Variants in BANF2 observed in about 807,000 individuals in gnomAD.
BANF2 encodes barrier-to-autointegration factor-like protein.
Under a neutral mutation model 8.0 loss-of-function variants are expected in BANF2, and 4 were observed. The observed-to-expected ratio is 0.50, with a 90% CI of 0.25 to 1.14. The LOEUF (loss-of-function observed/expected upper bound fraction) is 1.14. Among genes scored for constraint, BANF2 ranks in the 50% most tolerant of loss-of-function variants. BANF2 has a pLI of 0.16. For synonymous variants in BANF2, 50 were observed against 40.6 expected, an observed-to-expected ratio of 1.23 and a Z score of -0.88; for missense variants, 96 against 107.5, an observed-to-expected ratio of 0.89 and a Z score of 0.47.
At chr20:17,734,814 C>A (rs1459027613) in intron 3 of BANF2, among the ~76,000 whole-genome samples, 1 of 152,196 alleles carries the variant, frequency 6.6e-6, no homozygotes, top group Non-Finnish European at 1.5e-5. Flanking sequence ...GCTATGGGCA[C>A]AGTGGCTTAC....
chr20:17,720,010 GT>G (rs1244408468), intron 1 of BANF2, among the ~76,000 whole-genome samples: 1 of 152,190 alleles, frequency 6.6e-6, no homozygotes, highest in East Asian at 1.9e-4. Flanking sequence ...CACTTGGGGA[GT>G]TTTTAAAACT....
chr20:17,703,109 G>C (rs1423374632), intron 1 of BANF2, among the ~76,000 whole-genome samples: 1 of 152,114 alleles, frequency 6.6e-6, no homozygotes, highest in Non-Finnish European at 1.5e-5. Flanking sequence ...CTCTCTGCCG[G>C]CATCACTTTT....
intron 1 of BANF2, among the ~76,000 whole-genome samples, chr20:17,714,791 A>G (rs1780906363): frequency 6.6e-6 from 1 of 152,146 alleles, no homozygotes; most frequent in African/African-American, 2.4e-5. Context: ...GGTGGAGTGT[A>G]TAAATATTCA....
intron 1 of BANF2, among the ~76,000 whole-genome samples, chr20:17,694,554 T>C (rs1327345336): frequency 6.6e-6 from 1 of 150,584 alleles, no homozygotes; most frequent in African/African-American, 2.4e-5. Context: ...CATCTAACAT[T>C]GTAGTGTTTT....
chr20:17,706,531 C>T (rs1196668163), intron 1 of BANF2, among the ~76,000 whole-genome samples: 1 of 152,160 alleles, frequency 6.6e-6, no homozygotes, highest in Admixed American at 6.5e-5. Flanking sequence ...GCAAATGGGG[C>T]TCAGATATGT....
chr20:17,709,871 C>T (rs2037544007), intron 1 of BANF2, among the ~76,000 whole-genome samples: 1 of 152,194 alleles, frequency 6.6e-6, no homozygotes, highest in Non-Finnish European at 1.5e-5. Context: ...CCTGGATAAG[C>T]ATGAGCCGCT....
intron 1 of BANF2, among the ~76,000 whole-genome samples, chr20:17,708,803 G>A (rs763954141): frequency 6.6e-6 from 1 of 152,178 alleles, no homozygotes; most frequent in Non-Finnish European, 1.5e-5. Flanking sequence ...ACAATCCAGT[G>A]TTGAAACTGA....
At chr20:17,734,066 C>A (rs2037940447) in intron 3 of BANF2, among the ~76,000 whole-genome samples, 1 of 152,224 alleles carries the variant, frequency 6.6e-6, no homozygotes, top group African/African-American at 2.4e-5. Flanking sequence ...CCTGAGCTCT[C>A]CAGCCTCCAC....
chr20:17,729,427 T>C (rs2037861742), intron 3 of BANF2, among the ~76,000 whole-genome samples: 1 of 152,216 alleles, frequency 6.6e-6, no homozygotes, highest in Non-Finnish European at 1.5e-5. Context: ...GTGCCCCATG[T>C]TGCGACATCT....
chr20:17,732,512 A>T (rs962045917), intron 3 of BANF2, among the ~76,000 whole-genome samples: 5 of 152,284 alleles, frequency 3.3e-5, no homozygotes, highest in Middle Eastern at 6.8e-3. Context: ...GGCTGCCACC[A>T]TACCAGGCTA....
upstream of BANF2, among the ~76,000 whole-genome samples, chr20:17,699,664 G>T (rs372300468): frequency 6.6e-6 from 1 of 152,192 alleles, no homozygotes; most frequent in Non-Finnish European, 1.5e-5. Context: ...CTGAATTGAC[G>T]CAGGCCAGGT....
chr20:17,734,791 T>C (rs2037952543), intron 3 of BANF2, among the ~76,000 whole-genome samples: 1 of 152,086 alleles, frequency 6.6e-6, no homozygotes, highest in Non-Finnish European at 1.5e-5. Context: ...GTGCCGAGGT[T>C]TAGAAACCCC....
chr20:17,721,541 A>G (rs6136173), intron 1 of BANF2, among the ~76,000 whole-genome samples: 147,438 of 152,002 alleles, frequency 0.97, 71,515 homozygotes, highest in East Asian at 1. Context: ...ACAGGTGCAC[A>G]CCACTACGCC....
chr20:17,725,445 C>T (rs1015096496), intron 3 of BANF2, among the ~76,000 whole-genome samples: 2 of 152,216 alleles, frequency 1.3e-5, no homozygotes, highest in African/African-American at 4.8e-5. Flanking sequence ...GGTCAGCCGC[C>T]GGGGTCTGAG....
At chr20:17,727,877 T>TA (rs970451471) in intron 3 of BANF2, among the ~76,000 whole-genome samples, 39 of 152,284 alleles carry the variant, frequency 2.6e-4, no homozygotes, top group Non-Finnish European at 4.3e-4. Context: ...TAGCTAAGAC[T>TA]AGAGGCACGC....
Position 17,725,132 on chromosome 20 carries a change from T to C in BANF2, c.107T>C (p.Val36Ala), listed in dbSNP as rs2037788068. Residue 36 changes from valine to alanine, a missense_variant, in exon 3 of 4, where the codon GTC becomes GCC. By Grantham distance (64) the Val-to-Ala change is moderately conservative (BLOSUM62 0). Transcript: ENST00000246090. ...AGCCATGAGCTCGCGATCAATTTGG[T>C]CACCAAAGGTATCAATAAGGTAATT... The part of the protein sequence containing the change: ...GISHELAINL[V>A]TKGINKAYIL... 1.9e-6 allele frequency: 3 copies of C among 1,612,864 alleles called. No individual in the cohort carries two copies. In the African/African-American group the frequency reaches 4.0e-5, roughly 22 times the overall value.
upstream of BANF2, among the ~76,000 whole-genome samples, chr20:17,698,164 C>T (rs1199059371): frequency 5.9e-5 from 9 of 151,878 alleles, no homozygotes; most frequent in Admixed American, 4.6e-4. Context: ...GCCGAGATCA[C>T]GCCATCGCAT....
chr20:17,730,723 A>G (rs900038221), intron 3 of BANF2, among the ~76,000 whole-genome samples: 2 of 152,132 alleles, frequency 1.3e-5, no homozygotes, highest in Non-Finnish European at 2.9e-5. Flanking sequence ...TCATGTCCCC[A>G]GGTGTCCACA....
At chr20:17,726,735 T>G (rs1415327336) in intron 3 of BANF2, among the ~76,000 whole-genome samples, 1 of 152,260 alleles carries the variant, frequency 6.6e-6, no homozygotes, top group Non-Finnish European at 1.5e-5. Context: ...ACTCTTCTGA[T>G]GTCAAACAGC....
Sources: allele counts gnomAD v4.1 joint callset (sites outside exome capture counted in the v4.1 genomes callset), GRCh38; gene constraint gnomAD v4.1.1; transcripts MANE v1.5; gene names NCBI Gene and HGNC (gene_info 2026-07-23, HGNC 2026-07-21).